The following ZMYND11 variants were observed in gnomAD, a reference collection of about 807,000 sequenced individuals.
ZMYND11 encodes the protein zinc finger MYND domain-containing protein 11.
In ZMYND11, 9 loss-of-function variants were observed where a neutral mutation model predicts 84.9. The observed-to-expected ratio is 0.11, with a 90% CI of 0.06 to 0.18. The LOEUF is 0.18. Among genes scored for constraint, ZMYND11 ranks in the 10% least tolerant of loss-of-function variants. The pLI is 1.00. For synonymous variants in ZMYND11, 250 were observed against 244.1 expected (o/e 1.02, Z -0.23); for missense variants, 409 against 761.0 (o/e 0.54, Z 5.44).
chr10:137,810 G>T (rs1554752639), intron 1 of ZMYND11, among the ~76,000 whole-genome samples: 1 of 152,182 alleles, frequency 6.6e-6, no homozygotes, highest in African/African-American at 2.4e-5. Flanking sequence ...CCAGGCTAGA[G>T]AATCAGAGAT....
intron 4 of ZMYND11, among the ~76,000 whole-genome samples, chr10:236,122 G>A (rs1051752872): frequency 4.6e-5 from 7 of 152,162 alleles, no homozygotes; most frequent in East Asian, 1.9e-4. Flanking sequence ...GATGATGTTC[G>A]CGTGCCTGGA....
At chr10:215,884 G>T (rs1040570340) in intron 3 of ZMYND11, among the ~76,000 whole-genome samples, 4 of 152,066 alleles carry the variant, frequency 2.6e-5, no homozygotes, top group Non-Finnish European at 5.9e-5. Context: ...GTAGAATTCT[G>T]TGTCTTTTGC....
chr10:235,676 T>C (rs1346864790), intron 4 of ZMYND11, among the ~76,000 whole-genome samples: 2 of 152,154 alleles, frequency 1.3e-5, no homozygotes, highest in African/African-American at 2.4e-5. Flanking sequence ...TGCTCTGTAA[T>C]TGGCGTAAAC....
At position 246,850 on chromosome 10, in the gene ZMYND11, G is replaced by A; in HGVS notation, c.1035G>A (p.Lys345=). The A allele has an allele frequency of 1.2e-6, 2 of 1,614,108 alleles. No homozygotes were observed. Among genetic ancestry groups the A allele is most frequent in the Non-Finnish European group, 1.7e-6 (2 of 1,180,016 alleles). Reference sequence around the variant, plus strand: ...TGAAGCGCAGTATGGGTTGGAAAAAGGCCTGTGATGAGCTGGAGCTGCATC... The same window carrying A: ...TGAAGCGCAGTATGGGTTGGAAAAAAGCCTGTGATGAGCTGGAGCTGCATC... The part of the protein sequence containing the change: ...LHVKRSMGWK[K]ACDELELHQR... Residue 345 remains lysine, a synonymous_variant, in exon 11 of 15, where the codon AAG becomes AAA. Coordinates refer to ENST00000381604, the MANE Select transcript of ZMYND11 (RefSeq NM_001370100.5).
chr10:238,830 G>T (rs1179204702), intron 6 of ZMYND11, among the ~76,000 whole-genome samples: 1 of 152,136 alleles, frequency 6.6e-6, no homozygotes, highest in East Asian at 1.9e-4. Flanking sequence ...GACCTCTACA[G>T]AATATGTAAG....
chr10:227,347 C>A (rs1367319440), intron 4 of ZMYND11, among the ~76,000 whole-genome samples: 1 of 152,146 alleles, frequency 6.6e-6, no homozygotes, highest in Non-Finnish European at 1.5e-5. Flanking sequence ...TAAAAATGGA[C>A]TCAGGAGTCT....
chr10:221,483 A>G, intron 4 of ZMYND11, 127 bp downstream of exon 4: 1 of 848,572 alleles, frequency 1.2e-6, no homozygotes, highest in Non-Finnish European at 1.8e-6. Flanking sequence ...GGGTTATCTA[A>G]TGAAATGATG....
intron 10 of ZMYND11, among the ~76,000 whole-genome samples, chr10:244,916 C>A (rs1003115754): frequency 2.6e-5 from 4 of 152,172 alleles, no homozygotes; most frequent in African/African-American, 9.7e-5. Flanking sequence ...AATACTCTTA[C>A]AGATACAAGT....
At chr10:142,364 T>C (rs1408009774) in intron 1 of ZMYND11, among the ~76,000 whole-genome samples, 7 of 152,188 alleles carry the variant, frequency 4.6e-5, no homozygotes, top group African/African-American at 1.7e-4. Flanking sequence ...GTGTTAAGAT[T>C]AGAGGTGTGA....
intron 5 of ZMYND11, 128 bp downstream of exon 5, chr10:237,043 C>A: frequency 2.6e-6 from 2 of 781,942 alleles, no homozygotes; most frequent in South Asian, 2.3e-5. Context: ...GAGAGCACCC[C>A]GTCATGTCAT....
intron 3 of ZMYND11, chr10:218,597 C>A: frequency 4.4e-6 from 1 of 228,102 alleles, no homozygotes; most frequent in Non-Finnish European, 9.7e-6. Flanking sequence ...TTAACTCTTG[C>A]TAGATTTGTT....
intron 4 of ZMYND11, among the ~76,000 whole-genome samples, chr10:222,050 G>A (rs1404575668): frequency 6.6e-6 from 1 of 152,076 alleles, no homozygotes; most frequent in African/African-American, 2.4e-5. Flanking sequence ...ATATGGCATC[G>A]ATGGTAATAA....
At chr10:228,255 G>C (rs1277732462) in intron 4 of ZMYND11, among the ~76,000 whole-genome samples, 1 of 152,194 alleles carries the variant, frequency 6.6e-6, no homozygotes, top group African/African-American at 2.4e-5. Flanking sequence ...TTTAACAGTG[G>C]TTATGATCAG....
intron 14 of ZMYND11, among the ~76,000 whole-genome samples, chr10:251,850 T>C (rs1429531486): frequency 6.6e-6 from 1 of 152,074 alleles, no homozygotes; most frequent in East Asian, 1.9e-4. Flanking sequence ...CTCCAGACAT[T>C]GCCAAATAAG....
At chr10:189,554 T>A (rs528633330) in intron 2 of ZMYND11, among the ~76,000 whole-genome samples, 2 of 152,342 alleles carry the variant, frequency 1.3e-5, no homozygotes, top group Non-Finnish European at 2.9e-5. Flanking sequence ...GAAACCAGAT[T>A]GGCAGGTATA....
intron 2 of ZMYND11, among the ~76,000 whole-genome samples, chr10:184,795 C>T (rs1370340532): frequency 6.6e-6 from 1 of 152,140 alleles, no homozygotes; most frequent in Non-Finnish European, 1.5e-5. Flanking sequence ...ATACTCTTTC[C>T]AGATTTATGG....
upstream of ZMYND11, among the ~76,000 whole-genome samples, chr10:130,820 C>A (rs1248477868): frequency 6.6e-6 from 1 of 152,194 alleles, no homozygotes; most frequent in Non-Finnish European, 1.5e-5. Flanking sequence ...CTACATCATG[C>A]TATAGAAGAG....
intron 1 of ZMYND11, among the ~76,000 whole-genome samples, chr10:170,283 A>G (rs1322611743): frequency 7.2e-5 from 11 of 152,158 alleles, no homozygotes; most frequent in African/African-American, 2.7e-4. Flanking sequence ...AAAGAAGGCA[A>G]ATTATTTCAG....
At chr10:141,441 A>C (rs1837477926) in intron 1 of ZMYND11, among the ~76,000 whole-genome samples, 2 of 152,212 alleles carry the variant, frequency 1.3e-5, no homozygotes, top group Non-Finnish European at 2.9e-5. Flanking sequence ...GTTTGAGGCT[A>C]CAGTGAGCTA....
Sources: allele counts gnomAD v4.1 joint callset (sites outside exome capture counted in the v4.1 genomes callset), GRCh38; gene constraint gnomAD v4.1.1; transcripts MANE v1.5; gene names NCBI Gene and HGNC (gene_info 2026-07-23, HGNC 2026-07-21).